NDST4: variants seen among roughly 807,000 people sequenced by gnomAD.
NDST4 encodes the protein N-deacetylase and N-sulfotransferase 4, also known as N-heparan sulfate sulfotransferase 4.
In NDST4, 63 loss-of-function variants were observed where a neutral mutation model predicts 100.8. That is an observed-to-expected ratio of 0.62 (90% confidence interval 0.51 to 0.77). The LOEUF is 0.77. Among genes scored for constraint, NDST4 ranks in the 30% least tolerant of loss-of-function variants. The pLI is 0.00. For synonymous variants in NDST4, 377 were observed against 361.8 expected, an observed-to-expected ratio of 1.04 and a Z score of -0.48; for missense variants, 943 against 1,018.4, an observed-to-expected ratio of 0.93 and a Z score of 1.01.
chr4:114,864,817 A>G (rs570150672), intron 7 of NDST4, among the ~76,000 whole-genome samples: 1 of 152,216 alleles, frequency 6.6e-6, no homozygotes, highest in Admixed American at 6.5e-5. Context: ...TATAATGCCA[A>G]CCTCTGGGGG....
At chr4:114,954,603 C>T (rs147797422) in intron 4 of NDST4, among the ~76,000 whole-genome samples, 47 of 152,182 alleles carry the variant, frequency 3.1e-4, no homozygotes, top group African/African-American at 1.0e-3. Flanking sequence ...CTTTTTGATA[C>T]GGAAAAGTTA....
chr4:114,969,814 C>T (rs1392006783), intron 4 of NDST4, among the ~76,000 whole-genome samples: 2 of 152,152 alleles, frequency 1.3e-5, no homozygotes, highest in Non-Finnish European at 2.9e-5. Flanking sequence ...ATTTATACTT[C>T]TTTGGCATAT....
intron 2 of NDST4, among the ~76,000 whole-genome samples, chr4:115,055,290 G>T (rs970294631): frequency 6.6e-6 from 1 of 151,996 alleles, no homozygotes; most frequent in Admixed American, 6.6e-5. Flanking sequence ...AATAATAATA[G>T]AAATGAAGTG....
At chr4:114,988,097 C>T (rs537654572) in intron 2 of NDST4, among the ~76,000 whole-genome samples, 36 of 152,050 alleles carry the variant, frequency 2.4e-4, no homozygotes, top group African/African-American at 8.7e-4. Flanking sequence ...AGATAAATTC[C>T]TTCATATTAT....
chr4:114,831,719 T>C (rs1723205593), intron 12 of NDST4, among the ~76,000 whole-genome samples: 1 of 152,220 alleles, frequency 6.6e-6, no homozygotes, highest in African/African-American at 2.4e-5. Flanking sequence ...AGTCATTTTT[T>C]TTAGATAGGG....
At chr4:114,964,416 G>A (rs1481971696) in intron 4 of NDST4, among the ~76,000 whole-genome samples, 1 of 152,140 alleles carries the variant, frequency 6.6e-6, no homozygotes, top group African/African-American at 2.4e-5. Flanking sequence ...TAATTAAAGT[G>A]TGTTTTAGGT....
intron 2 of NDST4, among the ~76,000 whole-genome samples, chr4:115,041,614 A>G (rs894570695): frequency 2.6e-5 from 4 of 152,156 alleles, no homozygotes; most frequent in Non-Finnish European, 5.9e-5. Flanking sequence ...AAAGAAAAAA[A>G]GATTAAATGT....
intron 3 of NDST4, among the ~76,000 whole-genome samples, chr4:114,974,748 G>T (rs1337851478): frequency 6.6e-6 from 1 of 152,128 alleles, no homozygotes; most frequent in African/African-American, 2.4e-5. Context: ...TTAGTGGTAT[G>T]CCCTTTTGAG....
intron 6 of NDST4, among the ~76,000 whole-genome samples, chr4:114,892,519 A>G (rs945096790): frequency 6.6e-6 from 1 of 152,106 alleles, no homozygotes; most frequent in Non-Finnish European, 1.5e-5. Flanking sequence ...ACCATCAAAG[A>G]TGTCTTATTT....
chr4:114,972,110 T>A (rs1236303043), intron 3 of NDST4, among the ~76,000 whole-genome samples: 2 of 152,054 alleles, frequency 1.3e-5, no homozygotes, highest in East Asian at 1.9e-4. Context: ...AAACTTTGCC[T>A]GCGTAGATTA....
At chr4:115,111,401 T>C (rs185325857) in intron 1 of NDST4, among the ~76,000 whole-genome samples, 14 of 151,892 alleles carry the variant, frequency 9.2e-5, no homozygotes, top group Admixed American at 2.0e-4. Flanking sequence ...TGTTTCTATT[T>C]TGATTATCAA....
chr4:114,973,220 G>T (rs1252587588), intron 3 of NDST4, among the ~76,000 whole-genome samples: 1 of 151,696 alleles, frequency 6.6e-6, no homozygotes, highest in Non-Finnish European at 1.5e-5. Flanking sequence ...TAAATTATAT[G>T]TGGAAATATC....
At chr4:114,900,157 T>A (rs1004662259) in intron 6 of NDST4, among the ~76,000 whole-genome samples, 3 of 152,126 alleles carry the variant, frequency 2.0e-5, no homozygotes, top group Non-Finnish European at 4.4e-5. Flanking sequence ...CCTTACAATG[T>A]CCATGGTGTC....
chr4:114,891,009 A>G (rs549552338), intron 6 of NDST4, among the ~76,000 whole-genome samples: 4 of 152,012 alleles, frequency 2.6e-5, no homozygotes, highest in Non-Finnish European at 5.9e-5. Context: ...TTTGACCTCT[A>G]CACCGAAACA....
At chr4:114,909,803 G>A (rs1725028535) in intron 6 of NDST4, among the ~76,000 whole-genome samples, 1 of 152,016 alleles carries the variant, frequency 6.6e-6, no homozygotes, top group Non-Finnish European at 1.5e-5. Flanking sequence ...CAATTTTATG[G>A]ATTAGTATGA....
chr4:115,019,161 T>C (rs1727752838), intron 2 of NDST4, among the ~76,000 whole-genome samples: 1 of 152,132 alleles, frequency 6.6e-6, no homozygotes, highest in South Asian at 2.1e-4. Context: ...CTTAATGTGT[T>C]TTAATACATA....
chr4:114,866,610 C>A (rs1273965497), intron 7 of NDST4, among the ~76,000 whole-genome samples: 1 of 152,082 alleles, frequency 6.6e-6, no homozygotes, highest in East Asian at 1.9e-4. Context: ...ATGCTAGGTT[C>A]CAGGGTGCAA....
chr4:115,019,552 C>A (rs189828372), intron 2 of NDST4, among the ~76,000 whole-genome samples: 1 of 152,112 alleles, frequency 6.6e-6, no homozygotes, highest in African/African-American at 2.4e-5. Flanking sequence ...TCAGTATGTA[C>A]GAGGCCTAGC....
chr4:115,024,723 G>C (rs559581000), intron 2 of NDST4, among the ~76,000 whole-genome samples: 8 of 152,188 alleles, frequency 5.3e-5, no homozygotes, highest in African/African-American at 1.9e-4. Flanking sequence ...TATTGGAATA[G>C]AATGAATGTA....
Sources: allele counts gnomAD v4.1 joint callset (sites outside exome capture counted in the v4.1 genomes callset), GRCh38; gene constraint gnomAD v4.1.1; transcripts MANE v1.5; gene names NCBI Gene and HGNC (gene_info 2026-07-23, HGNC 2026-07-21).